The following IGSF11 variants were observed in gnomAD, a reference collection of about 807,000 sequenced individuals.
The protein encoded by IGSF11 is immunoglobulin superfamily member 11.
In IGSF11, 22 loss-of-function variants were observed where a neutral mutation model predicts 41.0. The ratio of observed to expected loss-of-function variants is 0.54; its 90% CI spans 0.38 to 0.77. The LOEUF is 0.77. Among genes scored for constraint, IGSF11 ranks in the 30% least tolerant of loss-of-function variants. IGSF11 has a pLI of 0.00. For missense variants in IGSF11, 444 were observed against 530.8 expected (o/e 0.84, Z 1.61); for synonymous variants, 219 against 201.3 (o/e 1.09, Z -0.74).
upstream of IGSF11, chr3:119,034,864 GTC>G: frequency 8.3e-7 from 1 of 1,205,890 alleles, no homozygotes; most frequent in Non-Finnish European, 1.0e-6. Context: ...CCCTCGCGCA[GTC>G]CGGGGAGCCA....
chr3:118,926,079 G>T, intron 4 of IGSF11, 22 bp downstream of exon 4: 3 of 1,448,220 alleles, frequency 2.1e-6, no homozygotes, highest in Non-Finnish European at 2.8e-6. Context: ...TAATAAAATG[G>T]GTAAAGCAGC....
intron 1 of IGSF11, among the ~76,000 whole-genome samples, chr3:118,991,995 T>G (rs1173960189): frequency 6.6e-6 from 1 of 152,264 alleles, no homozygotes; most frequent in East Asian, 1.9e-4. Flanking sequence ...TAATAGTGAC[T>G]ACGTCACAGC....
chr3:119,134,305 T>C (rs1238873707), intron 1 of IGSF11, among the ~76,000 whole-genome samples: 1 of 152,172 alleles, frequency 6.6e-6, no homozygotes, highest in Non-Finnish European at 1.5e-5. Flanking sequence ...TGATTGTCTA[T>C]TTAGAAAACC....
chr3:119,051,240 T>C (rs1285596052), intron 1 of IGSF11, among the ~76,000 whole-genome samples: 2 of 151,318 alleles, frequency 1.3e-5, no homozygotes, highest in African/African-American at 4.9e-5. Context: ...AGCTCACACA[T>C]ATGGGCTCAC....
intron 1 of IGSF11, among the ~76,000 whole-genome samples, chr3:119,004,224 C>G (rs1937226861): frequency 6.6e-6 from 1 of 151,154 alleles, no homozygotes; most frequent in Non-Finnish European, 1.5e-5. Context: ...GTATCCATTT[C>G]TTCTAGATTT....
chr3:119,011,184 G>A (rs1938072398), intron 1 of IGSF11, among the ~76,000 whole-genome samples: 4 of 152,150 alleles, frequency 2.6e-5, no homozygotes, highest in Admixed American at 6.5e-5. Context: ...CTGGCGTGGG[G>A]CAAATTTCAG....
At chr3:119,085,103 A>G (rs1190262958) in intron 1 of IGSF11, among the ~76,000 whole-genome samples, 1 of 152,238 alleles carries the variant, frequency 6.6e-6, no homozygotes, top group Non-Finnish European at 1.5e-5. Context: ...CACATTGCCA[A>G]TGATGGGAGG....
chr3:118,938,011 C>A (rs542728709), intron 1 of IGSF11, among the ~76,000 whole-genome samples: 152 of 151,518 alleles, frequency 1.0e-3, no homozygotes, highest in Middle Eastern at 3.4e-3. Flanking sequence ...AAAGATATCT[C>A]TCTCTCTCTC....
chr3:119,136,679 G>A (rs1169105090), intron 1 of IGSF11, among the ~76,000 whole-genome samples: 2 of 151,988 alleles, frequency 1.3e-5, no homozygotes, highest in African/African-American at 2.4e-5. Flanking sequence ...TGTTATTAGA[G>A]GTAAAGAAGG....
chr3:119,117,507 C>A (rs2077275132), intron 1 of IGSF11, among the ~76,000 whole-genome samples: 2 of 152,132 alleles, frequency 1.3e-5, no homozygotes, highest in African/African-American at 4.8e-5. Flanking sequence ...GACCTGCCCC[C>A]CATGATTCAA....
Position 119,065,792 on chromosome 3 carries a change from CAA to C in IGSF11, c.49+39350_49+39351del, listed in dbSNP as rs1193374379. 1.2e-4 allele frequency among the ~76,000 whole-genome samples: 7 copies of C among 56,732 alleles called. 1 individual carries two copies. In the East Asian group the frequency reaches 1.6e-3, roughly 13 times the overall value. The allele number at this position is 56,732 out of a possible 152,430, so 37.2% of individuals were successfully genotyped here. On this transcript the variant is annotated intron_variant, in intron 1 of 6. Transcript: ENST00000354673. ...TGGGTGACACAGTGAGACTCTGTCT[CAA>C]AAAAAAAAAAAAAAAAAAAAGCAAG... is the stretch of plus-strand genomic sequence containing the variant.
intron 1 of IGSF11, among the ~76,000 whole-genome samples, chr3:119,088,543 A>C (rs72953052): frequency 0.094 from 14,243 of 152,196 alleles, 1,458 homozygotes; most frequent in African/African-American, 0.25. Flanking sequence ...AGAGAGAAAA[A>C]TGAAACAGGA....
At chr3:119,145,818 A>T in exon 1 of IGSF11, 1 of 197,566 alleles carries the variant, frequency 5.1e-6, no homozygotes, top group Non-Finnish European at 1.0e-5. Flanking sequence ...AGTACCTGAG[A>T]GAGGGCCTCT....
intron 1 of IGSF11, among the ~76,000 whole-genome samples, chr3:118,971,793 A>G (rs1933462607): frequency 1.4e-5 from 2 of 139,506 alleles, no homozygotes; most frequent in Non-Finnish European, 3.0e-5. Context: ...ACAGAGGGAG[A>G]CTCCGTCTCA....
chr3:118,909,211 T>C (rs1939971955), intron 4 of IGSF11, among the ~76,000 whole-genome samples: 1 of 152,170 alleles, frequency 6.6e-6, no homozygotes, highest in African/African-American at 2.4e-5. Flanking sequence ...TAAATCATAA[T>C]TATATATTTT....
At chr3:119,064,086 G>A (rs944732804) in intron 1 of IGSF11, among the ~76,000 whole-genome samples, 18 of 152,110 alleles carry the variant, frequency 1.2e-4, no homozygotes, top group Admixed American at 1.2e-3. Flanking sequence ...CAAGAAAACT[G>A]GTGTGCAAGA....
At chr3:119,134,224 G>A (rs1441476278) in intron 1 of IGSF11, among the ~76,000 whole-genome samples, 1 of 152,024 alleles carries the variant, frequency 6.6e-6, no homozygotes, top group Non-Finnish European at 1.5e-5. Context: ...AGGCAATCAG[G>A]CAGGAGAAAG....
chr3:118,906,280 A>C (rs566275717), intron 4 of IGSF11, among the ~76,000 whole-genome samples: 1 of 152,280 alleles, frequency 6.6e-6, no homozygotes, highest in East Asian at 1.9e-4. Context: ...TGTGAGAGGA[A>C]GCTGCAGAAG....
At chr3:118,963,545 A>G (rs1414597831) in intron 1 of IGSF11, among the ~76,000 whole-genome samples, 1 of 152,174 alleles carries the variant, frequency 6.6e-6, no homozygotes, top group African/African-American at 2.4e-5. Context: ...GATAGCTAAG[A>G]GACTCATGGA....
Sources: allele counts gnomAD v4.1 joint callset (sites outside exome capture counted in the v4.1 genomes callset), GRCh38; gene constraint gnomAD v4.1.1; transcripts MANE v1.5; gene names NCBI Gene and HGNC (gene_info 2026-07-23, HGNC 2026-07-21).